CEP97: variants seen among roughly 807,000 people sequenced by gnomAD.
CEP97 encodes the protein centrosomal protein of 97 kDa.
CEP97 carries 43 observed loss-of-function variants against 73.1 expected under a neutral mutation model. The ratio of observed to expected loss-of-function variants is 0.59; its 90% CI spans 0.46 to 0.76. CEP97 has a LOEUF of 0.76. Among genes scored for constraint, CEP97 ranks in the 30% least tolerant of loss-of-function variants. The probability of loss-of-function intolerance (pLI) is 0.00; values close to 1 mark genes in which losing one functional copy is unlikely to be tolerated. For synonymous variants in CEP97, 337 were observed against 370.0 expected, an observed-to-expected ratio of 0.91 and a Z score of 1.02; for missense variants, 939 against 1,014.0, an observed-to-expected ratio of 0.93 and a Z score of 1.00.
At chr3:101,738,352 A>T (rs756983280) in intron 6 of CEP97, among the ~76,000 whole-genome samples, 1 of 152,202 alleles carries the variant, frequency 6.6e-6, no homozygotes, top group African/African-American at 2.4e-5. Flanking sequence ...GACCTAATAG[A>T]TATCTACAGA....
intron 7 of CEP97, among the ~76,000 whole-genome samples, 178 bp from the exon 8 acceptor site, chr3:101,756,885 G>C (rs1939019125): frequency 6.6e-6 from 1 of 152,160 alleles, no homozygotes; most frequent in African/African-American, 2.4e-5. Flanking sequence ...TACAAAATAA[G>C]CTTCTTAACT....
chr3:101,764,748 A>C, intron 10 of CEP97, 99 bp from the exon 11 acceptor site: 1 of 1,032,678 alleles, frequency 9.7e-7, no homozygotes. Context: ...GTGCTGCTGC[A>C]CTCCAGCCTG....
chr3:101,725,118 G>T (rs912799712), intron 1 of CEP97, among the ~76,000 whole-genome samples: 2 of 152,200 alleles, frequency 1.3e-5, no homozygotes, highest in Non-Finnish European at 2.9e-5. Flanking sequence ...TTGGTTCCTG[G>T]AACCATCAGG....
At chr3:101,737,478 T>G (rs1448657165) in intron 6 of CEP97, among the ~76,000 whole-genome samples, 1 of 152,122 alleles carries the variant, frequency 6.6e-6, no homozygotes, top group Non-Finnish European at 1.5e-5. Flanking sequence ...CCATCAGACT[T>G]AACAGCAGGT....
At chr3:101,743,301 T>A (rs558848939) in intron 6 of CEP97, among the ~76,000 whole-genome samples, 2 of 152,192 alleles carry the variant, frequency 1.3e-5, no homozygotes, top group Non-Finnish European at 2.9e-5. Context: ...ACTCCCCTCC[T>A]CACTAGAAGT....
intron 10 of CEP97, among the ~76,000 whole-genome samples, chr3:101,762,935 G>T (rs1484098789): frequency 6.6e-6 from 1 of 152,160 alleles, no homozygotes; most frequent in East Asian, 1.9e-4. Flanking sequence ...ACTACAATAT[G>T]CATGTCCTAA....
intron 6 of CEP97, among the ~76,000 whole-genome samples, chr3:101,733,150 C>T (rs527358793): frequency 1.3e-5 from 2 of 152,116 alleles, no homozygotes; most frequent in Admixed American, 1.3e-4. Flanking sequence ...ATCTCGGCCC[C>T]AGAGATTGGA....
At chr3:101,731,791 T>C in intron 4 of CEP97, 49 bp from the exon 5 acceptor site, 1 of 1,098,284 alleles carries the variant, frequency 9.1e-7, no homozygotes, top group Non-Finnish European at 1.4e-6. Flanking sequence ...AATAGGCCAA[T>C]TTATTTGTAA....
chr3:101,763,680 G>T (rs1404106708), intron 10 of CEP97, among the ~76,000 whole-genome samples: 1 of 152,176 alleles, frequency 6.6e-6, no homozygotes, highest in Non-Finnish European at 1.5e-5. Flanking sequence ...TTATACTTTA[G>T]AAATTAGGGG....
chr3:101,757,546 T>C, intron 8 of CEP97, 88 bp from the exon 9 acceptor site: 1 of 1,295,402 alleles, frequency 7.7e-7, no homozygotes, highest in East Asian at 2.4e-5. Flanking sequence ...TGCATTTTAC[T>C]CTATTTCAAG....
chr3:101,757,470 A>G (rs1939042100), intron 8 of CEP97, among the ~76,000 whole-genome samples, 164 bp from the exon 9 acceptor site: 1 of 152,174 alleles, frequency 6.6e-6, no homozygotes, highest in Non-Finnish European at 1.5e-5. Flanking sequence ...ACAAGAATTC[A>G]TTTTCTTAAA....
At chr3:101,753,811 C>G (rs1183880025) in intron 6 of CEP97, among the ~76,000 whole-genome samples, 1 of 152,102 alleles carries the variant, frequency 6.6e-6, no homozygotes, top group Non-Finnish European at 1.5e-5. Flanking sequence ...TCTGTCACCC[C>G]TTTCTTTGAC....
intron 6 of CEP97, among the ~76,000 whole-genome samples, chr3:101,743,492 C>G (rs1560013336): frequency 6.6e-6 from 1 of 152,054 alleles, no homozygotes; most frequent in Non-Finnish European, 1.5e-5. Flanking sequence ...GCCTCCTACG[C>G]TGAAGGGACC....
chr3:101,763,231 C>T (rs1939217273), intron 10 of CEP97: 1 of 1,194,430 alleles, frequency 8.4e-7, no homozygotes, highest in Non-Finnish European at 1.1e-6. Flanking sequence ...AGGATTTGAC[C>T]TATAAAATGA....
chr3:101,764,441 G>A (rs558885914), intron 10 of CEP97, among the ~76,000 whole-genome samples: 4 of 152,076 alleles, frequency 2.6e-5, no homozygotes, highest in Non-Finnish European at 5.9e-5. Context: ...GGGAAACCCT[G>A]TCTCTACTAA....
At chr3:101,732,255 A>G (rs1576677629) in intron 5 of CEP97, among the ~76,000 whole-genome samples, 1 of 152,200 alleles carries the variant, frequency 6.6e-6, no homozygotes, top group Non-Finnish European at 1.5e-5. Flanking sequence ...GATGTTTTCA[A>G]AATAGGGTTA....
chr3:101,752,050 T>G (rs1387467936), intron 6 of CEP97, among the ~76,000 whole-genome samples: 3 of 152,224 alleles, frequency 2.0e-5, no homozygotes, highest in Non-Finnish European at 2.9e-5. Context: ...CTTTCCATGT[T>G]TAGTGCTTCC....
At position 101,762,029 on chromosome 3, in the gene CEP97, G is replaced by T. The variant is rs887610152; in HGVS notation, c.1818-456G>T. Among the ~76,000 whole-genome samples the T allele has an allele frequency of 3.3e-5, 5 of 152,178 alleles. No individual in the cohort carries two copies. In the South Asian group the frequency reaches 1.0e-3, roughly 31 times the overall value. The stretch of plus-strand genomic sequence containing the variant: ...TGATGGGATTAGTCTTTAGCAGAGG[G>T]TGTTTCAAGCTGGATCACGAGTACT... On this transcript the variant is annotated intron_variant, in intron 9 of 10. Transcript: ENST00000341893.
In CEP97 at chr3:101,766,922, A is replaced by G. The variant is rs1402052452; in HGVS notation, c.*1371A>G. 1 of 152,158 alleles carries G rather than the reference A, an allele frequency of 6.6e-6. No individual in the cohort carries two copies. The highest frequency in any genetic ancestry group is 1.5e-5 in the Non-Finnish European group (1 of 68,034). The allele number at this position is 152,158 out of a possible 1,614,324, so 9.4% of individuals were successfully genotyped here. A position where few individuals can be genotyped will look rare whatever the true frequency, so the allele number is the denominator to read the frequency against. On this transcript the variant is annotated 3_prime_UTR_variant, in exon 11 of 11. Transcript: ENST00000341893. ...CTTCAAGGATAAAGTTGAGGATCAC[A>G]TGGTACGTGGCATTTGTTGTTATTG...
Sources: gnomAD v4.1 joint callset for allele counts (sites outside exome capture counted in the v4.1 genomes callset) on GRCh38, gnomAD v4.1.1 for gene constraint, MANE v1.5 for transcripts, NCBI Gene and HGNC (gene_info 2026-07-23, HGNC 2026-07-21) for gene names.